The following ABCC3 variants were observed in gnomAD, a reference collection of about 807,000 sequenced individuals.
ABCC3 encodes the protein ATP binding cassette subfamily C member 3.
ABCC3 carries 121 observed loss-of-function variants against 165.3 expected under a neutral mutation model. That is an observed-to-expected ratio of 0.73 (90% confidence interval 0.63 to 0.85). The LOEUF (loss-of-function observed/expected upper bound fraction) is 0.85. Among genes scored for constraint, ABCC3 ranks in the 40% least tolerant of loss-of-function variants. ABCC3 has a pLI of 0.00. For missense variants in ABCC3, 1,869 were observed against 1,964.1 expected (o/e 0.95, Z 0.92); for synonymous variants, 733 against 810.1 (o/e 0.90, Z 1.62).
At chr17:50,638,789 T>C (rs1445927858) in intron 1 of ABCC3, among the ~76,000 whole-genome samples, 2 of 152,226 alleles carry the variant, frequency 1.3e-5, no homozygotes, top group Non-Finnish European at 2.9e-5. Context: ...TGCTCTGTTT[T>C]AGCTAGCCCC....
chr17:50,661,019 G>A lies in ABCC3; in HGVS notation c.903G>A (p.Lys301=), dbSNP rs1336292886. 6.2e-7 allele frequency: 1 copy of A among 1,614,170 alleles called. No homozygotes were observed. The highest frequency in any genetic ancestry group is 8.5e-7 in the Non-Finnish European group (1 of 1,180,022). ...GGCCCCGGAAGCCCTCCTTCCTGAAGGCCCTGCTGGCCACCTTCGGCTCCA... is the reference window on the plus strand; with the variant it reads ...GGCCCCGGAAGCCCTCCTTCCTGAAAGCCCTGCTGGCCACCTTCGGCTCCA... The part of the protein sequence containing the change: ...RPRPRKPSFL[K]ALLATFGSSF... The change falls in exon 8 of 31, where the codon AAG becomes AAA. Residue 301 remains lysine (K), a synonymous_variant. Coordinates refer to ENST00000285238, the MANE Select transcript of ABCC3 (RefSeq NM_003786.4).
intron 19 of ABCC3, among the ~76,000 whole-genome samples, chr17:50,673,994 C>CCTTCCTTCCT: frequency 1.5e-4 from 1 of 6,734 alleles, no homozygotes; most frequent in African/African-American, 7.6e-4. Flanking sequence ...CTCTCTCTCT[C>CCTTCCTTCCT]TCTCTCTCTC....
intron 25 of ABCC3, 134 bp downstream of exon 25, chr17:50,678,353 G>T: frequency 3.0e-5 from 19 of 634,552 alleles, no homozygotes; most frequent in Non-Finnish European, 4.1e-5. Flanking sequence ...AGGACTGTGA[G>T]AAAAAAAAAA....
In ABCC3 at chr17:50,673,105, C is replaced by T. The variant is rs150740244; in HGVS notation, c.2376C>T (p.His792=). 30 of 1,613,988 alleles carry T rather than the reference C, an allele frequency of 1.9e-5. No homozygotes were observed. The Admixed American group carries it at 2.3e-4, about 13-fold the overall frequency. Residue 792 remains histidine, a synonymous_variant, in exon 18 of 31, where the codon CAC becomes CAT. Transcript: ENST00000285238. ...DSHVAKHIFD[H]VIGPEGVLAG... is the part of the protein sequence containing the mutation. ...ATGTGGCCAAGCACATCTTTGACCACGTCATCGGGCCAGAAGGCGTGCTGG... is the reference window on the plus strand; with the variant it reads ...ATGTGGCCAAGCACATCTTTGACCATGTCATCGGGCCAGAAGGCGTGCTGG...
chr17:50,675,849 C>G, intron 21 of ABCC3, 34 bp from the exon 22 acceptor site: 1 of 1,611,754 alleles, frequency 6.2e-7, no homozygotes, highest in Non-Finnish European at 8.5e-7. Context: ...TTATGGAGTC[C>G]CCTGTCCCTG....
Position 50,657,038 on chromosome 17 carries a change from C to T in ABCC3, c.349-8C>T. 1.2e-6 allele frequency: 2 copies of T among 1,612,642 alleles called. No individual in the cohort carries two copies. The highest frequency in any genetic ancestry group is 1.7e-6 in the Non-Finnish European group (2 of 1,179,268). On this transcript the variant is annotated splice_polypyrimidine_tract_variant and splice_region_variant and intron_variant, in intron 3 of 30. Transcript: ENST00000285238. ...TTCTGCCCGGGCCTCCCTGCCCTCCCTGCACAGCTGCTGGCCACCCTGCTG... is the reference window on the plus strand; with the variant it reads ...TTCTGCCCGGGCCTCCCTGCCCTCCTTGCACAGCTGCTGGCCACCCTGCTG...
chr17:50,669,531 A>G lies in ABCC3; in HGVS notation c.2241+3A>G, dbSNP rs905941147. The G allele has an allele frequency of 3.1e-6, 5 of 1,613,760 alleles. No individual in the cohort carries two copies. The highest frequency in any genetic ancestry group is 4.2e-6 in the Non-Finnish European group (5 of 1,179,778). ...ATCAGACAGAGATTGGAGAGAAGGT[A>G]CAGAGTCCTCTTCCATCCCTAAGAG... is the stretch of plus-strand genomic sequence containing the variant. On this transcript the variant is annotated splice_donor_region_variant and intron_variant, in intron 17 of 30. Transcript: ENST00000285238.
chr17:50,681,903 GCCCCTCACC>G (rs1173228596), intron 26 of ABCC3, among the ~76,000 whole-genome samples: 1 of 151,964 alleles, frequency 6.6e-6, no homozygotes, highest in Non-Finnish European at 1.5e-5. Context: ...TCACCCTCTG[GCCCCTCACC>G]CCTCACTGTC....
chr17:50,670,001 G>A (rs879747573), intron 17 of ABCC3, among the ~76,000 whole-genome samples: 5 of 151,908 alleles, frequency 3.3e-5, no homozygotes, highest in African/African-American at 4.8e-5. Context: ...TTGCCATGTC[G>A]CCCAGGCTGG....
chr17:50,645,340 C>T (rs1966983302), intron 1 of ABCC3, among the ~76,000 whole-genome samples: 1 of 147,440 alleles, frequency 6.8e-6, no homozygotes. Flanking sequence ...TGCCACTGCC[C>T]TCCAGCCTGG....
In ABCC3 at chr17:50,676,345, C is replaced by T; in HGVS notation, c.3135C>T (p.His1045=). The T allele has an allele frequency of 6.2e-7, 1 of 1,614,132 alleles. No homozygotes were observed. The highest frequency in any genetic ancestry group is 8.5e-7 in the Non-Finnish European group (1 of 1,179,986). The change falls in exon 23 of 31, where the codon CAC becomes CAT. Residue 1045 remains histidine, a synonymous_variant. Transcript: ENST00000285238. ...AGGIQAARVL[H]QALLHNKIRS... Reference sequence around the variant, plus strand: ...GCATCCAGGCTGCCCGTGTGTTGCACCAGGCACTGCTGCACAACAAGATAC... The same window carrying T: ...GCATCCAGGCTGCCCGTGTGTTGCATCAGGCACTGCTGCACAACAAGATAC...
intron 1 of ABCC3, among the ~76,000 whole-genome samples, chr17:50,638,295 G>A (rs1447701407): frequency 3.3e-5 from 5 of 152,094 alleles, no homozygotes; most frequent in Admixed American, 6.5e-5. Context: ...TTTACCCCCC[G>A]CCAGATAAAC....
At chr17:50,669,095 C>A in intron 15 of ABCC3, 45 bp from the exon 16 acceptor site, 3 of 1,587,496 alleles carry the variant, frequency 1.9e-6, no homozygotes, top group Middle Eastern at 1.7e-4. Flanking sequence ...AGACCAAAAC[C>A]CTGATCCCTG....
At chr17:50,644,395 C>T (rs990615035) in intron 1 of ABCC3, among the ~76,000 whole-genome samples, 2 of 151,178 alleles carry the variant, frequency 1.3e-5, no homozygotes, top group African/African-American at 4.9e-5. Flanking sequence ...GATCACTCCC[C>T]TTCCATGAGT....
At chr17:50,638,129 T>C (rs185453871) in intron 1 of ABCC3, among the ~76,000 whole-genome samples, 6 of 152,168 alleles carry the variant, frequency 3.9e-5, no homozygotes, top group Non-Finnish European at 7.3e-5. Flanking sequence ...GTGAACTGTG[T>C]AATTAAACCA....
intron 1 of ABCC3, among the ~76,000 whole-genome samples, chr17:50,646,181 T>A (rs72837533): frequency 0.2 from 30,975 of 152,070 alleles, 4,197 homozygotes; most frequent in Non-Finnish European, 0.28. Context: ...ATGGTCAGGG[T>A]AGGCTTCATT....
Position 50,677,728 on chromosome 17 carries a change from C to T in ABCC3, c.3379-16C>T, listed in dbSNP as rs756808432. On this transcript the variant is annotated splice_polypyrimidine_tract_variant and intron_variant, in intron 23 of 30. Transcript: ENST00000285238. ...GTTCCATGGCCCTGACCCCAAACTC[C>T]TTCTCCCTCCATCAGCGCTTCTATG... 12 of 1,612,184 alleles carry T rather than the reference C, an allele frequency of 7.4e-6. No individual in the cohort carries two copies. The highest frequency in any genetic ancestry group is 9.3e-6 in the Non-Finnish European group (11 of 1,178,740).
At chr17:50,657,941 T>C in intron 4 of ABCC3, 141 bp from the exon 5 acceptor site, 1 of 1,120,654 alleles carries the variant, frequency 8.9e-7, no homozygotes, top group Non-Finnish European at 1.3e-6. Context: ...TCTCTCAGAG[T>C]CCTCTGAGTG....
chr17:50,643,726 T>TA, intron 1 of ABCC3: 1 of 432,396 alleles, frequency 2.3e-6, no homozygotes, highest in Admixed American at 2.4e-5. Flanking sequence ...TGACAAGTGG[T>TA]AAAAAGAGGG....
Sources: gnomAD v4.1 joint callset for allele counts (sites outside exome capture counted in the v4.1 genomes callset) on GRCh38, gnomAD v4.1.1 for gene constraint, MANE v1.5 for transcripts, NCBI Gene and HGNC (gene_info 2026-07-23, HGNC 2026-07-21) for gene names.